The following METTL25 variants were observed in gnomAD, a reference collection of about 807,000 sequenced individuals.
METTL25 encodes the protein methyltransferase like 25, also known as probable methyltransferase-like protein 25.
In METTL25, 64 loss-of-function variants were observed where a neutral mutation model predicts 71.6. That is an observed-to-expected ratio of 0.89 (90% CI 0.73 to 1.10). The LOEUF (loss-of-function observed/expected upper bound fraction) is 1.10, where lower values mean the gene tolerates loss of function less well. Ranked by LOEUF, METTL25 falls within the 50% of genes least tolerant of loss-of-function variation. The pLI, the probability that METTL25 is intolerant of heterozygous loss-of-function variation, is 0.00. For synonymous variants in METTL25, 287 were observed against 250.3 expected (o/e 1.15, Z -1.38); for missense variants, 807 against 707.0 (o/e 1.14, Z -1.60).
chr12:82,370,760 C>T (rs1883142540), intron 1 of METTL25, among the ~76,000 whole-genome samples: 1 of 152,002 alleles, frequency 6.6e-6, no homozygotes, highest in Admixed American at 6.6e-5. Context: ...CTGTCTCTGA[C>T]TCCCTCTTTG....
chr12:82,458,855 T>C (rs1280359724), intron 9 of METTL25, among the ~76,000 whole-genome samples: 3 of 151,924 alleles, frequency 2.0e-5, no homozygotes, highest in Admixed American at 1.3e-4. Flanking sequence ...AAAGAAAATA[T>C]CCAACTCCAG....
intron 5 of METTL25, among the ~76,000 whole-genome samples, chr12:82,416,379 CATT>C (rs1006500344): frequency 6.6e-6 from 1 of 151,038 alleles, no homozygotes; most frequent in Non-Finnish European, 1.5e-5. Flanking sequence ...GTTTATTCTT[CATT>C]ATTTTATTAA....
intron 1 of METTL25, among the ~76,000 whole-genome samples, chr12:82,364,421 C>T (rs540459407): frequency 2.6e-5 from 4 of 152,258 alleles, no homozygotes; most frequent in Non-Finnish European, 4.4e-5. Flanking sequence ...GTTTACATGA[C>T]GTTCTTGTTT....
At chr12:82,385,842 C>A (rs1367887420) in intron 1 of METTL25, among the ~76,000 whole-genome samples, 1 of 152,158 alleles carries the variant, frequency 6.6e-6, no homozygotes, top group African/African-American at 2.4e-5. Context: ...AATGTTCCGT[C>A]TTGACACATG....
At chr12:82,391,540 A>ATGTC (rs1885582201) in intron 3 of METTL25, among the ~76,000 whole-genome samples, 1 of 150,652 alleles carries the variant, frequency 6.6e-6, no homozygotes, top group Non-Finnish European at 1.5e-5. Context: ...TTGTTAGTAT[A>ATGTC]TGTGTGTGTG....
At chr12:82,471,283 C>T (rs1289472713) in intron 9 of METTL25, among the ~76,000 whole-genome samples, 3 of 152,222 alleles carry the variant, frequency 2.0e-5, no homozygotes, top group African/African-American at 7.2e-5. Flanking sequence ...CCTGTGTGGT[C>T]AGGGCCCCAC....
At chr12:82,360,900 G>A (rs946049761) in intron 1 of METTL25, among the ~76,000 whole-genome samples, 31 of 152,242 alleles carry the variant, frequency 2.0e-4, no homozygotes, top group Middle Eastern at 3.4e-3. Context: ...TCCTTCTGGC[G>A]GGTTCGTGGT....
At chr12:82,387,105 G>C in intron 2 of METTL25, 138 bp downstream of exon 2, 1 of 679,620 alleles carries the variant, frequency 1.5e-6, no homozygotes, top group Non-Finnish European at 2.3e-6. Context: ...ATTAACTATT[G>C]TTTAGAAGTG....
intron 1 of METTL25, among the ~76,000 whole-genome samples, chr12:82,376,610 A>G (rs892647373): frequency 6.6e-6 from 1 of 152,212 alleles, no homozygotes; most frequent in African/African-American, 2.4e-5. Flanking sequence ...CTATCTTTGT[A>G]TCTATTGACT....
intron 5 of METTL25, among the ~76,000 whole-genome samples, chr12:82,403,474 G>A (rs1304184784): frequency 1.3e-5 from 2 of 152,074 alleles, no homozygotes; most frequent in East Asian, 3.8e-4. Context: ...GAGTTATTTT[G>A]TTATGAATAT....
rs180963078 is a variant in METTL25 at position 82,392,824 on chromosome 12, T to G, written c.531+2902T>G. On this transcript the variant is annotated intron_variant, in intron 3 of 11. Coordinates refer to ENST00000248306, the MANE Select transcript of METTL25 (RefSeq NM_032230.3). ...TTTGATTTTTGTATATGGTGAGAGA[T>G]AGGGGTCTAGTTTCATTCTTCTGCT... Among the ~76,000 whole-genome samples the G allele has an allele frequency of 2.6e-5, 4 of 152,178 alleles. No homozygotes were observed. The South Asian group carries it at 6.2e-4, about 24-fold the overall frequency.
At chr12:82,433,252 AT>A (rs890512385) in intron 6 of METTL25, among the ~76,000 whole-genome samples, 12 of 150,678 alleles carry the variant, frequency 8.0e-5, no homozygotes, top group South Asian at 2.1e-4. Context: ...TAAATAGTCT[AT>A]TTTTTTTTAA....
At chr12:82,372,353 C>T (rs915970902) in intron 1 of METTL25, among the ~76,000 whole-genome samples, 1 of 152,050 alleles carries the variant, frequency 6.6e-6, no homozygotes, top group Admixed American at 6.6e-5. Context: ...TTGCTTGTTT[C>T]CTTCTGGGCA....
chr12:82,470,849 T>C (rs373499717), intron 9 of METTL25, among the ~76,000 whole-genome samples: 1 of 152,290 alleles, frequency 6.6e-6, no homozygotes, highest in African/African-American at 2.4e-5. Context: ...TTGAGAAGTA[T>C]AGATTTGCGA....
Position 82,402,017 on chromosome 12 carries a change from GTAT to G in METTL25, c.1132-960_1132-958del, listed in dbSNP as rs1886667769. On this transcript the variant is annotated intron_variant, in intron 4 of 11. Coordinates refer to ENST00000248306, the MANE Select transcript of METTL25 (RefSeq NM_032230.3). The stretch of plus-strand genomic sequence containing the variant: ...TATGAGTCATGTCAAAGACAGAAGA[GTAT>G]TATTAGTAAATTCAACTTCAAAATG... Among the ~76,000 whole-genome samples, 6 of 151,896 alleles carry G rather than the reference GTAT, an allele frequency of 4.0e-5. No individual in the cohort carries two copies. In the South Asian group the frequency reaches 1.0e-3, roughly 26 times the overall value.
intron 8 of METTL25, among the ~76,000 whole-genome samples, chr12:82,443,345 C>T (rs1890492232): frequency 6.6e-6 from 1 of 151,504 alleles, no homozygotes; most frequent in African/African-American, 2.4e-5. Context: ...ACTAGTCTAC[C>T]AGCTGAATTC....
chr12:82,452,619 A>C (rs534873158), intron 8 of METTL25, among the ~76,000 whole-genome samples: 1 of 152,342 alleles, frequency 6.6e-6, no homozygotes, highest in South Asian at 2.1e-4. Context: ...GAGCAATTAC[A>C]TTCTACATCA....
chr12:82,463,289 C>CA (rs1474052751), intron 9 of METTL25, among the ~76,000 whole-genome samples: 2 of 151,490 alleles, frequency 1.3e-5, no homozygotes, highest in African/African-American at 4.8e-5. Context: ...AGGAGATTAA[C>CA]TTTTTTTTTC....
At chr12:82,400,230 G>T (rs1014367768) in intron 4 of METTL25, among the ~76,000 whole-genome samples, 2 of 151,906 alleles carry the variant, frequency 1.3e-5, no homozygotes, top group Admixed American at 6.6e-5. Flanking sequence ...TACTCGGGAG[G>T]CTGAGGCAGG....
Sources: allele counts gnomAD v4.1 joint callset (sites outside exome capture counted in the v4.1 genomes callset), GRCh38; gene constraint gnomAD v4.1.1; transcripts MANE v1.5; gene names NCBI Gene and HGNC (gene_info 2026-07-23, HGNC 2026-07-21).